Variants in LDLRAD3 observed in about 807,000 individuals in gnomAD.
LDLRAD3 encodes the protein low density lipoprotein receptor class A domain containing 3.
A neutral mutation model predicts 29.4 loss-of-function variants in LDLRAD3; 20 were observed. The ratio of observed to expected loss-of-function variants is 0.68; its 90% CI spans 0.48 to 0.99. The LOEUF (loss-of-function observed/expected upper bound fraction) is 0.99. Ranked by LOEUF, LDLRAD3 falls within the 50% of genes least tolerant of loss-of-function variation. LDLRAD3 has a pLI of 0.00. For synonymous variants in LDLRAD3, 157 were observed against 192.7 expected, an observed-to-expected ratio of 0.81 and a Z score of 1.53; for missense variants, 420 against 454.3, an observed-to-expected ratio of 0.92 and a Z score of 0.69.
intron 1 of LDLRAD3, among the ~76,000 whole-genome samples, chr11:36,032,261 A>G (rs570565305): frequency 4.6e-5 from 7 of 152,326 alleles, no homozygotes; most frequent in Admixed American, 1.3e-4. Flanking sequence ...AGGTGGAAGA[A>G]TGTCCGGGGT....
rs1451701796 is a variant in LDLRAD3, at chr11:36,145,324, CCTA to C, written c.454+46866_454+46868del. On this transcript the variant is annotated intron_variant, in intron 4 of 5. Coordinates refer to ENST00000315571, the MANE Select transcript of LDLRAD3 (RefSeq NM_174902.4). ...TGAGGGGTGCCTCTGCCCGGCCACC[CCTA>C]CTGGGAAGTGAGGAGCCCCTCTGCC... Among the ~76,000 whole-genome samples, 38 of 92,572 alleles carry C rather than the reference CCTA, an allele frequency of 4.1e-4. 1 individual carries two copies. The highest frequency in any genetic ancestry group is 1.9e-3 in the African/African-American group (37 of 19,410). The allele number at this position is 92,572 out of a possible 152,430, so 60.7% of individuals were successfully genotyped here.
At position 35,994,663 on chromosome 11, in the gene LDLRAD3, A is replaced by G. The variant is rs566585789; in HGVS notation, c.47-41440A>G. Among the ~76,000 whole-genome samples, 9 of 152,346 alleles carry G rather than the reference A, an allele frequency of 5.9e-5. No homozygotes were observed. The South Asian group carries it at 1.9e-3, about 32-fold the overall frequency. On this transcript the variant is annotated intron_variant, in intron 1 of 5. Transcript: ENST00000315571. ...CTTTCATGAAAGACTTCTCTGTAGC[A>G]CGCAATGCCTGTTTTATAGCACTTT...
At chr11:36,184,169 T>C in intron 4 of LDLRAD3, 1 of 177,064 alleles carries the variant, frequency 5.6e-6, no homozygotes, top group Middle Eastern at 2.7e-3. Flanking sequence ...TTCTCCATGT[T>C]GGTCAGTCTG....
At chr11:35,990,958 A>G (rs115700497) in intron 1 of LDLRAD3, among the ~76,000 whole-genome samples, 4,769 of 152,346 alleles carry the variant, frequency 0.031, 257 homozygotes, top group African/African-American at 0.11. Flanking sequence ...GTCCTAACAC[A>G]GTATCCACAC....
At chr11:36,189,062 T>G (rs1216499197) in intron 4 of LDLRAD3, among the ~76,000 whole-genome samples, 2 of 152,142 alleles carry the variant, frequency 1.3e-5, no homozygotes, top group East Asian at 3.8e-4. Flanking sequence ...AATTTGGGTT[T>G]TTCATAGAAT....
intron 2 of LDLRAD3, among the ~76,000 whole-genome samples, chr11:36,071,765 C>T (rs538307206): frequency 6.6e-6 from 1 of 152,138 alleles, no homozygotes; most frequent in East Asian, 1.9e-4. Flanking sequence ...TGGCCCTTTG[C>T]TATTGGAAGT....
intron 4 of LDLRAD3, among the ~76,000 whole-genome samples, chr11:36,115,573 AG>A (rs1040307868): frequency 6.6e-6 from 1 of 152,156 alleles, no homozygotes; most frequent in African/African-American, 2.4e-5. Context: ...AAGGCCAGAA[AG>A]GCTACTGACC....
At chr11:36,144,960 G>T (rs1243052543) in intron 4 of LDLRAD3, among the ~76,000 whole-genome samples, 2 of 98,150 alleles carry the variant, frequency 2.0e-5, no homozygotes, top group Non-Finnish European at 4.3e-5. Flanking sequence ...CCGGCCAGCC[G>T]CCCCGTCCCG....
At chr11:36,061,203 A>G (rs1224371817) in intron 2 of LDLRAD3, among the ~76,000 whole-genome samples, 1 of 152,078 alleles carries the variant, frequency 6.6e-6, no homozygotes, top group East Asian at 1.9e-4. Flanking sequence ...CAGTGGTGCA[A>G]TCTCGGCTCA....
intron 4 of LDLRAD3, among the ~76,000 whole-genome samples, chr11:36,148,475 T>G (rs1481322636): frequency 6.6e-6 from 1 of 152,170 alleles, no homozygotes; most frequent in African/African-American, 2.4e-5. Flanking sequence ...CCTTTATGAT[T>G]TTTCTCTCAC....
chr11:35,981,306 GTC>G (rs769126604), intron 1 of LDLRAD3, among the ~76,000 whole-genome samples: 7 of 152,102 alleles, frequency 4.6e-5, no homozygotes, highest in Non-Finnish European at 7.3e-5. Context: ...TAACTTTGCT[GTC>G]TGTTTCTCAG....
At chr11:36,041,885 G>T (rs1462171370) in intron 2 of LDLRAD3, among the ~76,000 whole-genome samples, 3 of 150,930 alleles carry the variant, frequency 2.0e-5, no homozygotes, top group Non-Finnish European at 3.0e-5. Context: ...GGTTGAGGGG[G>T]GTGTGGAGGA....
intron 4 of LDLRAD3, among the ~76,000 whole-genome samples, chr11:36,103,720 T>G (rs1853485482): frequency 1.3e-5 from 2 of 152,210 alleles, no homozygotes. Context: ...TGTTTGCCCT[T>G]AAGAAGAATG....
chr11:36,166,987 G>GT (rs1235078222), intron 4 of LDLRAD3, among the ~76,000 whole-genome samples: 2 of 152,182 alleles, frequency 1.3e-5, no homozygotes, highest in African/African-American at 2.4e-5. Context: ...TTTGGATATA[G>GT]TTTTTGCAGA....
chr11:35,962,444 C>G (rs1181331790), intron 1 of LDLRAD3, among the ~76,000 whole-genome samples: 1 of 152,072 alleles, frequency 6.6e-6, no homozygotes, highest in Non-Finnish European at 1.5e-5. Flanking sequence ...AGAGGGTATA[C>G]CCACCCTCTG....
intron 1 of LDLRAD3, among the ~76,000 whole-genome samples, chr11:36,021,585 A>G (rs888488057): frequency 1.3e-5 from 2 of 152,188 alleles, no homozygotes; most frequent in Non-Finnish European, 2.9e-5. Flanking sequence ...GGAGAGAGTG[A>G]TGGTGGTGGG....
chr11:36,116,114 A>G (rs1181093715), intron 4 of LDLRAD3, among the ~76,000 whole-genome samples: 3 of 152,216 alleles, frequency 2.0e-5, no homozygotes, highest in Admixed American at 2.0e-4. Context: ...AAGGCTGTCC[A>G]GCACTTAGCA....
chr11:35,997,326 G>C, intron 1 of LDLRAD3: 2 of 446,812 alleles, frequency 4.5e-6, no homozygotes, highest in Non-Finnish European at 8.7e-6. Context: ...AAAGATCAGT[G>C]CCACATCTGT....
chr11:36,200,091 A>G (rs566652094), intron 4 of LDLRAD3, among the ~76,000 whole-genome samples: 98 of 152,274 alleles, frequency 6.4e-4, no homozygotes, highest in African/African-American at 2.3e-3. Flanking sequence ...CACTTGAACC[A>G]GAAAGGCGGA....
Sources: allele counts gnomAD v4.1 joint callset (sites outside exome capture counted in the v4.1 genomes callset), GRCh38; gene constraint gnomAD v4.1.1; transcripts MANE v1.5; gene names NCBI Gene and HGNC (gene_info 2026-07-23, HGNC 2026-07-21).